Variants in PDE10A observed in about 807,000 individuals in gnomAD.
The protein encoded by PDE10A is phosphodiesterase 10A.
In PDE10A, 39 loss-of-function variants were observed where a neutral mutation model predicts 97.7. That is an observed-to-expected ratio of 0.40 (90% CI 0.31 to 0.52). The LOEUF (loss-of-function observed/expected upper bound fraction) is 0.52, where lower values mean the gene tolerates loss of function less well. PDE10A is among the 20% of genes least tolerant of loss of function. The pLI is 0.56. For synonymous variants in PDE10A, 371 were observed against 376.8 expected, an observed-to-expected ratio of 0.98 and a Z score of 0.18; for missense variants, 731 against 1,047.8, an observed-to-expected ratio of 0.70 and a Z score of 4.17.
chr6:165,939,039 A>G (rs1405523132), intron 1 of PDE10A, among the ~76,000 whole-genome samples: 2 of 152,278 alleles, frequency 1.3e-5, no homozygotes, highest in African/African-American at 4.8e-5. Flanking sequence ...TCTACACCAC[A>G]GAATATTATG....
chr6:165,911,989 A>G (rs935739609), intron 1 of PDE10A, among the ~76,000 whole-genome samples: 10 of 152,030 alleles, frequency 6.6e-5, no homozygotes, highest in African/African-American at 2.4e-4. Context: ...GTCTAAATAT[A>G]TATATATATA....
chr6:165,708,718 C>A (rs1479846510), intron 1 of PDE10A, among the ~76,000 whole-genome samples: 1 of 150,568 alleles, frequency 6.6e-6, no homozygotes, highest in Non-Finnish European at 1.5e-5. Flanking sequence ...CTCTCTACCC[C>A]CATGCTGCGG....
intron 1 of PDE10A, among the ~76,000 whole-genome samples, chr6:165,579,703 A>C (rs1785506104): frequency 6.6e-6 from 1 of 152,162 alleles, no homozygotes; most frequent in African/African-American, 2.4e-5. Flanking sequence ...TTGCTGCTCT[A>C]CTAAAAACCC....
intron 1 of PDE10A, among the ~76,000 whole-genome samples, chr6:165,924,031 A>G (rs1782842698): frequency 6.6e-6 from 1 of 152,204 alleles, no homozygotes; most frequent in Non-Finnish European, 1.5e-5. Flanking sequence ...AACAATAACA[A>G]TAATGACATC....
intron 1 of PDE10A, among the ~76,000 whole-genome samples, chr6:165,828,182 T>C (rs987243579): frequency 1.3e-5 from 2 of 152,234 alleles, no homozygotes; most frequent in Non-Finnish European, 2.9e-5. Context: ...TAAGGCATAG[T>C]TCTTTGTTAA....
intron 1 of PDE10A, among the ~76,000 whole-genome samples, chr6:165,839,106 C>G (rs1026883138): frequency 1.2e-4 from 18 of 152,212 alleles, no homozygotes; most frequent in African/African-American, 4.3e-4. Context: ...TCCAGAAACT[C>G]TTTTTCTGTA....
intron 1 of PDE10A, among the ~76,000 whole-genome samples, chr6:165,884,031 C>T (rs536405256): frequency 6.6e-6 from 1 of 152,236 alleles, no homozygotes; most frequent in Admixed American, 6.5e-5. Flanking sequence ...CATCCTCCTA[C>T]CACCTCGAGC....
intron 1 of PDE10A, among the ~76,000 whole-genome samples, chr6:165,927,678 A>ATATATATATATATATATAT (rs1562801740): frequency 3.4e-5 from 4 of 118,526 alleles, no homozygotes; most frequent in Non-Finnish European, 6.9e-5. Context: ...ATATATATAT[A>ATATATATATATATATATAT]GTTTTTTGTT....
At chr6:165,892,648 T>C (rs1047005051) in intron 1 of PDE10A, among the ~76,000 whole-genome samples, 2 of 152,178 alleles carry the variant, frequency 1.3e-5, no homozygotes, top group African/African-American at 4.8e-5. Flanking sequence ...CTCTGTCCCC[T>C]GTGAGTGGCC....
chr6:165,390,676 G>A (rs1015297025), intron 16 of PDE10A, among the ~76,000 whole-genome samples: 2 of 152,168 alleles, frequency 1.3e-5, no homozygotes, highest in Non-Finnish European at 2.9e-5. Context: ...TTAAGGAAGT[G>A]TGCAAGGCAG....
At chr6:165,839,836 C>A (rs1780175761) in intron 1 of PDE10A, among the ~76,000 whole-genome samples, 1 of 133,662 alleles carries the variant, frequency 7.5e-6, no homozygotes, top group Non-Finnish European at 1.6e-5. Context: ...AATCTCGTCT[C>A]CATTCTTATC....
At chr6:165,747,376 G>T (rs1792867190) in intron 1 of PDE10A, among the ~76,000 whole-genome samples, 1 of 152,082 alleles carries the variant, frequency 6.6e-6, no homozygotes, top group Admixed American at 6.5e-5. Context: ...CTGGTATGGG[G>T]CACACTCCAT....
chr6:165,948,503 G>T (rs913013314), intron 1 of PDE10A: 1 of 152,272 alleles, frequency 6.6e-6, no homozygotes, highest in African/African-American at 2.4e-5. Flanking sequence ...CTCATGGAGT[G>T]CTCTGCACCA....
rs186212076 is a variant in PDE10A at position 165,491,727 on chromosome 6, T to C, written c.995-9384A>G. On this transcript the variant is annotated intron_variant, in intron 2 of 21. Transcript: ENST00000539869. ...AGCAAAAGTGGTACTAAGAGAAAAG[T>C]CCACAGCATTAAGTGCCTACATCAA... Among the ~76,000 whole-genome samples, 14 of 151,982 alleles carry C rather than the reference T, an allele frequency of 9.2e-5. 1 individual carries two copies. The highest frequency in any genetic ancestry group is 5.2e-4 in the Admixed American group (8 of 15,262).
chr6:165,874,337 G>C (rs6939907), intron 1 of PDE10A, among the ~76,000 whole-genome samples: 1 of 151,826 alleles, frequency 6.6e-6, no homozygotes, highest in Non-Finnish European at 1.5e-5. Context: ...TTGGTAGCCT[G>C]CTACTCATAT....
chr6:165,535,437 T>C (rs1337859058), intron 2 of PDE10A, among the ~76,000 whole-genome samples: 1 of 151,930 alleles, frequency 6.6e-6, no homozygotes, highest in East Asian at 1.9e-4. Flanking sequence ...CATGTGTACA[T>C]ATTATTTAAC....
At chr6:165,914,678 A>C (rs1231748463) in intron 1 of PDE10A, among the ~76,000 whole-genome samples, 1 of 152,198 alleles carries the variant, frequency 6.6e-6, no homozygotes, top group African/African-American at 2.4e-5. Context: ...CCTTTCCCAA[A>C]CCAAGTGATT....
intron 1 of PDE10A, among the ~76,000 whole-genome samples, chr6:165,813,467 C>T (rs111407779): frequency 0.056 from 8,443 of 152,024 alleles, 242 homozygotes; most frequent in Non-Finnish European, 0.067. Context: ...CAAATCAGGT[C>T]ATAAAGAGGA....
intron 1 of PDE10A, among the ~76,000 whole-genome samples, chr6:165,795,805 G>A (rs1429622879): frequency 6.6e-6 from 1 of 151,928 alleles, no homozygotes; most frequent in African/African-American, 2.4e-5. Context: ...AGTCTAATTT[G>A]TTCATCACTC....
Sources: allele counts gnomAD v4.1 joint callset (sites outside exome capture counted in the v4.1 genomes callset), GRCh38; gene constraint gnomAD v4.1.1; transcripts MANE v1.5; gene names NCBI Gene and HGNC (gene_info 2026-07-23, HGNC 2026-07-21).